The following SSBP3 variants were observed in gnomAD, a reference collection of about 807,000 sequenced individuals.
The protein encoded by SSBP3 is single stranded DNA binding protein 3, also known as single-stranded DNA-binding protein 3.
A neutral mutation model predicts 69.6 loss-of-function variants in SSBP3; 5 were observed. The ratio of observed to expected loss-of-function variants is 0.07; its 90% CI spans 0.04 to 0.15. The LOEUF (loss-of-function observed/expected upper bound fraction) is 0.15. SSBP3 is among the 10% of genes least tolerant of loss of function. The pLI, the probability that SSBP3 is intolerant of heterozygous loss-of-function variation, is 1.00. For synonymous variants in SSBP3, 196 were observed against 193.4 expected, an observed-to-expected ratio of 1.01 and a Z score of -0.11; for missense variants, 312 against 534.0, an observed-to-expected ratio of 0.58 and a Z score of 4.10.
intron 4 of SSBP3, among the ~76,000 whole-genome samples, chr1:54,319,078 T>C (rs1180832790): frequency 6.6e-6 from 1 of 152,034 alleles, no homozygotes; most frequent in Non-Finnish European, 1.5e-5. Flanking sequence ...CTCAATGGAG[T>C]AGAAGGGCAA....
At chr1:54,296,780 C>T (rs1159254120) in intron 4 of SSBP3, among the ~76,000 whole-genome samples, 1 of 152,184 alleles carries the variant, frequency 6.6e-6, no homozygotes, top group Admixed American at 6.5e-5. Flanking sequence ...CCCTCTCTAC[C>T]TGTTTTCCCC....
At chr1:54,281,405 G>A (rs1645388854) in intron 5 of SSBP3, 33 bp downstream of exon 5, 1 of 1,525,970 alleles carries the variant, frequency 6.6e-7, no homozygotes. Flanking sequence ...GGAATACAAG[G>A]TGGAGCACAA....
intron 4 of SSBP3, among the ~76,000 whole-genome samples, chr1:54,354,196 G>C (rs1205515597): frequency 6.6e-6 from 1 of 152,202 alleles, no homozygotes; most frequent in African/African-American, 2.4e-5. Context: ...CTGCCTGTCT[G>C]CTCTGCTTTC....
At chr1:54,280,852 T>C (rs939796036) in intron 5 of SSBP3, among the ~76,000 whole-genome samples, 1 of 152,134 alleles carries the variant, frequency 6.6e-6, no homozygotes, top group African/African-American at 2.4e-5. Context: ...GTGGGATCTG[T>C]TCCTGCCTGT....
At chr1:54,379,666 G>A (rs924576793) in intron 4 of SSBP3, among the ~76,000 whole-genome samples, 15 of 152,120 alleles carry the variant, frequency 9.9e-5, no homozygotes, top group African/African-American at 9.7e-5. Context: ...TGTCACCATC[G>A]GCAGGGACAG....
rs746933473 is a variant in SSBP3 at position 54,276,608 on chromosome 1, C to CAAAAAAAAAA, written c.366+4820_366+4829dup. Reference sequence around the variant, plus strand: ...TGGGTGACAGAGTGAGACTCTGTCTCAAAAAAAAAAAAAAAAAAAAAAAAA... The same window carrying CAAAAAAAAAA: ...TGGGTGACAGAGTGAGACTCTGTCTCAAAAAAAAAAAAAAAAAAAAAAAAAAAAAAAAAAA... On this transcript the variant is annotated intron_variant, in intron 5 of 17. Transcript: ENST00000610401. 1.0e-3 allele frequency among the ~76,000 whole-genome samples: 36 copies of CAAAAAAAAAA among 35,216 alleles called. 2 individuals carry two copies. Among genetic ancestry groups the CAAAAAAAAAA allele is most frequent in the African/African-American group, 5.1e-3 (34 of 6,694 alleles). 23.1% of individuals were successfully genotyped at this position (35,216 alleles called of 152,430 possible).
At chr1:54,386,463 C>G (rs1250629959) in intron 4 of SSBP3, among the ~76,000 whole-genome samples, 1 of 152,106 alleles carries the variant, frequency 6.6e-6, no homozygotes, top group African/African-American at 2.4e-5. Flanking sequence ...GGGATCCACA[C>G]TGTACTGGGG....
chr1:54,410,212 C>T (rs1340657685), upstream of SSBP3, among the ~76,000 whole-genome samples: 1 of 152,178 alleles, frequency 6.6e-6, no homozygotes, highest in East Asian at 1.9e-4. Flanking sequence ...GGAGTGAAGA[C>T]GGAGAGGTGA....
intron 13 of SSBP3, among the ~76,000 whole-genome samples, chr1:54,240,119 C>CGT (rs1644601019): frequency 4.0e-4 from 2 of 4,966 alleles, no homozygotes; most frequent in Non-Finnish European, 8.6e-4. Context: ...CGCGCGCGCG[C>CGT]GCAACACATG....
At chr1:54,257,286 G>A (rs1344491757) in intron 6 of SSBP3, 100 bp from the exon 7 acceptor site, 1 of 1,081,234 alleles carries the variant, frequency 9.2e-7, no homozygotes, top group Non-Finnish European at 1.3e-6. Context: ...GTTATAACTA[G>A]TGATCTTTTA....
chr1:54,335,738 A>G (rs752290384), intron 4 of SSBP3: 5 of 152,250 alleles, frequency 3.3e-5, no homozygotes, highest in Non-Finnish European at 7.3e-5. Flanking sequence ...CAATCCCGTA[A>G]GACAAGCACT....
intron 4 of SSBP3, among the ~76,000 whole-genome samples, chr1:54,394,300 A>G (rs1278296930): frequency 6.6e-6 from 1 of 152,172 alleles, no homozygotes; most frequent in Non-Finnish European, 1.5e-5. Context: ...CAGTTCCATC[A>G]CCTGCAATCC....
At chr1:54,234,373 A>T (rs1397587767) in intron 14 of SSBP3, among the ~76,000 whole-genome samples, 3 of 151,670 alleles carry the variant, frequency 2.0e-5, no homozygotes, top group Non-Finnish European at 2.9e-5. Context: ...AATAAATAAA[A>T]ATAAAAAATA....
intron 4 of SSBP3, among the ~76,000 whole-genome samples, chr1:54,375,053 G>T (rs917255631): frequency 6.6e-6 from 1 of 152,120 alleles, no homozygotes; most frequent in African/African-American, 2.4e-5. Context: ...AGTAGAGGAG[G>T]CTGGGCCAGG....
chr1:54,361,798 A>C (rs931591882), intron 4 of SSBP3, among the ~76,000 whole-genome samples: 2 of 152,022 alleles, frequency 1.3e-5, no homozygotes, highest in Non-Finnish European at 1.5e-5. Flanking sequence ...CAACCTCCCC[A>C]CCACCACGAT....
chr1:54,276,216 C>G (rs558039631), intron 5 of SSBP3, among the ~76,000 whole-genome samples: 1 of 152,206 alleles, frequency 6.6e-6, no homozygotes, highest in African/African-American at 2.4e-5. Context: ...CTTTTGGCAA[C>G]AGGAGCTGGG....
At chr1:54,244,014 T>G (rs948483483) in intron 9 of SSBP3, among the ~76,000 whole-genome samples, 2 of 152,120 alleles carry the variant, frequency 1.3e-5, no homozygotes, top group Non-Finnish European at 2.9e-5. Context: ...ACTGCAGCCT[T>G]GACCTCCTGG....
chr1:54,391,464 T>C (rs1327164800), intron 4 of SSBP3, among the ~76,000 whole-genome samples: 1 of 152,194 alleles, frequency 6.6e-6, no homozygotes, highest in Non-Finnish European at 1.5e-5. Context: ...ATCCGGTCTA[T>C]AAAGCTACGC....
chr1:54,371,891 C>T (rs1254082627), intron 4 of SSBP3, among the ~76,000 whole-genome samples: 7 of 152,132 alleles, frequency 4.6e-5, no homozygotes, highest in Admixed American at 4.6e-4. Context: ...AGGGAAGGGC[C>T]TCCCACAACA....
Sources: gnomAD v4.1 joint callset for allele counts (sites outside exome capture counted in the v4.1 genomes callset) on GRCh38, gnomAD v4.1.1 for gene constraint, MANE v1.5 for transcripts, NCBI Gene and HGNC (gene_info 2026-07-23, HGNC 2026-07-21) for gene names.